MTUS2: variants seen among roughly 807,000 people sequenced by gnomAD.
MTUS2 encodes microtubule-associated tumor suppressor candidate 2.
Under a neutral mutation model 114.1 loss-of-function variants are expected in MTUS2, and 40 were observed. That is an observed-to-expected ratio of 0.35 (90% CI 0.27 to 0.46). The LOEUF is 0.46. Among genes scored for constraint, MTUS2 ranks in the 20% least tolerant of loss-of-function variants. MTUS2 has a pLI of 1.00. For synonymous variants in MTUS2, 688 were observed against 672.0 expected, an observed-to-expected ratio of 1.02 and a Z score of -0.37; for missense variants, 1,679 against 1,705.4, an observed-to-expected ratio of 0.98 and a Z score of 0.27.
At chr13:29,383,463 C>T (rs1460147201) in intron 8 of MTUS2, among the ~76,000 whole-genome samples, 1 of 152,050 alleles carries the variant, frequency 6.6e-6, no homozygotes, top group Non-Finnish European at 1.5e-5. Flanking sequence ...AAACACTGTG[C>T]CTAGCGAAGG....
At chr13:29,278,869 G>C (rs1898164012) in intron 5 of MTUS2, among the ~76,000 whole-genome samples, 1 of 152,010 alleles carries the variant, frequency 6.6e-6, no homozygotes, top group Non-Finnish European at 1.5e-5. Context: ...CATCCTACAG[G>C]TATTATCAGA....
At chr13:29,072,577 A>G (rs1260887049) in intron 4 of MTUS2, among the ~76,000 whole-genome samples, 2 of 152,214 alleles carry the variant, frequency 1.3e-5, no homozygotes, top group East Asian at 3.8e-4. Flanking sequence ...TCCTTAGCAA[A>G]TAGAATACCT....
Position 29,017,280 on chromosome 13 carries a change from A to G in MTUS2, c.-242-7177A>G, listed in dbSNP as rs58930838. Among the ~76,000 whole-genome samples the G allele has an allele frequency of 9.1e-3, 1,385 of 152,292 alleles. 24 individuals carry two copies. The highest frequency in any genetic ancestry group is 0.032 in the African/African-American group (1,339 of 41,556). The stretch of plus-strand genomic sequence containing the variant: ...TATTCTGTTCATTTTTCTGTATCCT[A>G]AAGTTCTACAGGGTAACTTATTGCA... On this transcript the variant is annotated intron_variant, in intron 2 of 15. Transcript: ENST00000612955.
At chr13:29,139,715 T>C (rs9508292) in intron 5 of MTUS2, among the ~76,000 whole-genome samples, 59,680 of 152,106 alleles carry the variant, frequency 0.39, 13,779 homozygotes, top group Non-Finnish European at 0.48. Context: ...TTTGCAAAAA[T>C]ATACAATGAT....
chr13:29,343,802 T>C (rs1210876886), intron 7 of MTUS2, among the ~76,000 whole-genome samples: 2 of 152,106 alleles, frequency 1.3e-5, no homozygotes, highest in Non-Finnish European at 2.9e-5. Context: ...AAACTTTCTT[T>C]CCTTGTAGCA....
chr13:28,959,146 A>G (rs1359242869), intron 2 of MTUS2, among the ~76,000 whole-genome samples: 3 of 152,184 alleles, frequency 2.0e-5, no homozygotes, highest in African/African-American at 7.2e-5. Flanking sequence ...AGCCCCAACA[A>G]CAGCCGGCTT....
intron 5 of MTUS2, among the ~76,000 whole-genome samples, chr13:29,150,901 A>G (rs893802895): frequency 7.9e-5 from 12 of 152,132 alleles, no homozygotes; most frequent in Admixed American, 2.0e-4. Flanking sequence ...CCATTCGTCT[A>G]CATGTCTGTT....
At chr13:29,274,921 G>A (rs999834470) in intron 5 of MTUS2, among the ~76,000 whole-genome samples, 1 of 152,012 alleles carries the variant, frequency 6.6e-6, no homozygotes, top group South Asian at 2.1e-4. Flanking sequence ...TTTTTGTAGA[G>A]ACAGGGTCTC....
At position 29,025,889 on chromosome 13, in the gene MTUS2, A is replaced by T. The variant is rs1469268219; in HGVS notation, c.1191A>T (p.Lys397Asn). ...GEQDSLHTTP[K>N]QGSASLGGAD... ...AGGATTCTCTCCACACCACCCCCAAACAGGGCTCTGCTTCCTTAGGAGGGG... is the reference window on the plus strand; with the variant it reads ...AGGATTCTCTCCACACCACCCCCAATCAGGGCTCTGCTTCCTTAGGAGGGG... Residue 397 changes from lysine (K) to asparagine (N), a missense_variant, in exon 3 of 16, where the codon AAA becomes AAT. Lys to Asn is a moderately conservative substitution (Grantham distance 94). This residue lies in a region of MTUS2 where 843 missense variants were observed against 770.8 expected (regional missense o/e 1.09). Transcript: ENST00000612955. 1 of 1,613,502 alleles carries T rather than the reference A, an allele frequency of 6.2e-7. No homozygotes were observed. The highest frequency in any genetic ancestry group is 8.5e-7 in the Non-Finnish European group (1 of 1,179,612).
chr13:29,212,508 C>G (rs1187394975), intron 5 of MTUS2, among the ~76,000 whole-genome samples: 1 of 152,136 alleles, frequency 6.6e-6, no homozygotes, highest in Non-Finnish European at 1.5e-5. Context: ...ACAAGACTGC[C>G]CCTCACTTTA....
In MTUS2 at chr13:29,025,438, C is replaced by G; in HGVS notation, c.740C>G (p.Ser247Cys). ...AAGAGTGTGCGTCATCCTAAACCAT[C>G]TACCTCAGAAAGCAAGCAGAGCACT... ...EGKSVRHPKP[S>C]TSESKQSTPS... is the part of the protein sequence containing the mutation. Residue 247 changes from serine to cysteine, a missense_variant, in exon 3 of 16, where the codon TCT (serine) becomes TGT (cysteine). Coordinates refer to ENST00000612955, the MANE Select transcript of MTUS2 (RefSeq NM_001033602.4). 2 of 1,612,246 alleles carry G rather than the reference C, an allele frequency of 1.2e-6. No homozygotes were observed. Among genetic ancestry groups the G allele is most frequent in the Non-Finnish European group, 1.7e-6 (2 of 1,179,262 alleles).
intron 8 of MTUS2, among the ~76,000 whole-genome samples, chr13:29,379,822 G>A (rs75325596): frequency 0.052 from 7,873 of 152,248 alleles, 703 homozygotes; most frequent in African/African-American, 0.18. Context: ...AAAAGATCAC[G>A]TTTCCCAATA....
chr13:29,205,130 G>T (rs1481005131), intron 5 of MTUS2, among the ~76,000 whole-genome samples: 1 of 152,206 alleles, frequency 6.6e-6, no homozygotes. Context: ...TCTTTGATCA[G>T]TGTGAAAATG....
intron 2 of MTUS2, among the ~76,000 whole-genome samples, chr13:29,022,653 G>A (rs115735523): frequency 7.0e-4 from 106 of 152,358 alleles, no homozygotes; most frequent in African/African-American, 2.5e-3. Context: ...GGAGGAAAGT[G>A]TGGAAGGCTT....
chr13:28,982,577 C>G (rs750240901), intron 2 of MTUS2, among the ~76,000 whole-genome samples: 1 of 152,174 alleles, frequency 6.6e-6, no homozygotes, highest in African/African-American at 2.4e-5. Flanking sequence ...GACCTCTGTT[C>G]ACAGCAGCAT....
At chr13:29,418,976 C>G (rs1875881535) in intron 8 of MTUS2, among the ~76,000 whole-genome samples, 1 of 152,186 alleles carries the variant, frequency 6.6e-6, no homozygotes, top group Admixed American at 6.5e-5. Context: ...CTGTTAGAGC[C>G]CTTTTGGACT....
chr13:29,300,321 A>G (rs1899143967), intron 6 of MTUS2, among the ~76,000 whole-genome samples: 2 of 152,174 alleles, frequency 1.3e-5, no homozygotes, highest in Admixed American at 1.3e-4. Flanking sequence ...TTTTCATTTA[A>G]GAGCATATAC....
intron 9 of MTUS2, among the ~76,000 whole-genome samples, chr13:29,445,111 C>G (rs2138707073): frequency 6.6e-6 from 1 of 152,352 alleles, no homozygotes; most frequent in South Asian, 2.1e-4. Context: ...CTACCAGAGA[C>G]TTGACTTGTG....
intron 2 of MTUS2, among the ~76,000 whole-genome samples, chr13:28,972,064 G>C (rs1265285113): frequency 6.6e-6 from 1 of 152,252 alleles, no homozygotes; most frequent in African/African-American, 2.4e-5. Context: ...AGATGGCATT[G>C]AGTCTGGGGG....
Sources: allele counts gnomAD v4.1 joint callset (sites outside exome capture counted in the v4.1 genomes callset), GRCh38; gene constraint gnomAD v4.1.1; regional missense constraint gnomAD v4.1.1; transcripts MANE v1.5; gene names NCBI Gene and HGNC (gene_info 2026-07-23, HGNC 2026-07-21).